RUSC2: variants seen among roughly 807,000 people sequenced by gnomAD.
The protein encoded by RUSC2 is AP-4 complex accessory subunit RUSC2.
In RUSC2, 34 loss-of-function variants were observed where a neutral mutation model predicts 122.2. The ratio of observed to expected loss-of-function variants is 0.28; its 90% CI spans 0.21 to 0.37. The LOEUF is 0.37. Ranked by LOEUF, RUSC2 falls within the 10% of genes least tolerant of loss-of-function variation. The probability of loss-of-function intolerance (pLI) is 1.00; values close to 1 mark genes in which losing one functional copy is unlikely to be tolerated. For synonymous variants in RUSC2, 784 were observed against 790.0 expected, an observed-to-expected ratio of 0.99 and a Z score of 0.13; for missense variants, 1,747 against 1,952.4, an observed-to-expected ratio of 0.89 and a Z score of 1.98.
At position 35,560,380 on chromosome 9, in the gene RUSC2, C is replaced by A. The variant is rs1021819739; in HGVS notation, c.3740C>A (p.Thr1247Lys). 1.2e-6 allele frequency: 2 copies of A among 1,613,802 alleles called. No individual in the cohort carries two copies. The highest frequency in any genetic ancestry group is 1.7e-6 in the Non-Finnish European group (2 of 1,179,870). The change falls in exon 10 of 12, where the codon ACA (threonine) becomes AAA (lysine). Residue 1247 changes from threonine (T) to lysine (K), a missense_variant. Physicochemically the swap from Thr to Lys is moderately conservative, Grantham distance 78. Coordinates refer to ENST00000361226, the MANE Select transcript of RUSC2 (RefSeq NM_014806.5). ...GGEEEEEEEE[T>K]EEVAEAAGGS... ...GAAGAGGAAGAGGAAGAAGAGGAGA[C>A]AGAAGAGGTGGCAGAGGCAGCCGGG...
intron 1 of RUSC2, among the ~76,000 whole-genome samples, chr9:35,495,071 TTA>T (rs1349472501): frequency 5.6e-5 from 2 of 35,746 alleles, no homozygotes; most frequent in Non-Finnish European, 9.2e-5. Context: ...ATAGTATATA[TTA>T]TATATAGTAT....
rs139160591 is a variant in RUSC2, at chr9:35,490,116, ACGC to A, written c.-128_-126del. The A allele has an allele frequency of 4.1e-4, 63 of 154,298 alleles. No homozygotes were observed. Among genetic ancestry groups the A allele is most frequent in the Middle Eastern group, 3.3e-3 (1 of 304 alleles). 9.6% of individuals were successfully genotyped at this position (154,298 alleles called of 1,614,324 possible). A position where few individuals can be genotyped will look rare whatever the true frequency, so the allele number is the denominator to read the frequency against. On this transcript the variant is annotated 5_prime_UTR_variant, in exon 1 of 12. Coordinates refer to ENST00000361226, the MANE Select transcript of RUSC2 (RefSeq NM_014806.5). ...CAACGCGACCCCTGGAGGGCGAGACACGCCGCCGCCGCCGCCGCCGCCGGCGCG... is the reference window on the plus strand; with the variant it reads ...CAACGCGACCCCTGGAGGGCGAGACACGCCGCCGCCGCCGCCGCCGGCGCG...
At chr9:35,528,435 T>G (rs1020898318) in intron 1 of RUSC2, among the ~76,000 whole-genome samples, 1 of 151,882 alleles carries the variant, frequency 6.6e-6, no homozygotes, top group Non-Finnish European at 1.5e-5. Context: ...TTTCATATTT[T>G]GCAGTGAAAG....
chr9:35,546,270 C>T lies in RUSC2; in HGVS notation c.-92-160C>T, dbSNP rs1564262416. Among the ~76,000 whole-genome samples the T allele has an allele frequency of 6.6e-6, 1 of 152,200 alleles. No homozygotes were observed. The highest frequency in any genetic ancestry group is 2.4e-5 in the African/African-American group (1 of 41,450). On this transcript the variant is annotated intron_variant, in intron 1 of 11. Transcript: ENST00000361226. This position sits in a 1 kb window ranked among gnomAD's most constrained non-coding sequence, Gnocchi z 4.3. The stretch of plus-strand genomic sequence containing the variant: ...CTGTGCAATGCAGAAAGCATGGTTA[C>T]GTCCCCACCTGCCTATTGGGCTGTG...
intron 9 of RUSC2, among the ~76,000 whole-genome samples, chr9:35,559,569 T>C (rs1248816136): frequency 6.6e-6 from 1 of 152,140 alleles, no homozygotes; most frequent in Non-Finnish European, 1.5e-5. Flanking sequence ...ACCCCGTCTC[T>C]ACTAAAAATT....
In RUSC2 at chr9:35,546,586, G is replaced by A; in HGVS notation, c.65G>A (p.Cys22Tyr). 6.6e-7 allele frequency: 1 copy of A among 1,515,988 alleles called. No homozygotes were observed. The highest frequency in any genetic ancestry group is 8.8e-7 in the Non-Finnish European group (1 of 1,134,210). 93.9% of individuals were successfully genotyped at this position (1,515,988 alleles called of 1,614,324 possible). The change falls in exon 2 of 12, where the codon TGC becomes TAC. Residue 22 changes from cysteine to tyrosine, a missense_variant. Cys to Tyr is a radical substitution (Grantham distance 194). Transcript: ENST00000361226. The surrounding 1 kb of genome is among the most constrained non-coding windows in gnomAD (Gnocchi z 4.3). ...GTTCATCACATCCCCCTGGTGCACT[G>A]CCAAGTCCCAGACAGGCAGTGCTGT... ...LIVHHIPLVH[C>Y]QVPDRQCCGG...
intron 1 of RUSC2, among the ~76,000 whole-genome samples, chr9:35,528,281 G>A (rs1227035138): frequency 6.6e-6 from 1 of 152,010 alleles, no homozygotes; most frequent in Admixed American, 6.6e-5. Context: ...ACCTACTTGT[G>A]GGGGCTGAGG....
intron 1 of RUSC2, among the ~76,000 whole-genome samples, chr9:35,506,791 A>C (rs1372024578): frequency 2.0e-5 from 3 of 152,190 alleles, no homozygotes; most frequent in Non-Finnish European, 4.4e-5. Flanking sequence ...AAAGCATCTA[A>C]GTAGGAATTT....
At chr9:35,519,498 T>C (rs1425969291) in intron 1 of RUSC2, among the ~76,000 whole-genome samples, 3 of 152,254 alleles carry the variant, frequency 2.0e-5, no homozygotes, top group Non-Finnish European at 2.9e-5. Flanking sequence ...TATCTTTGGT[T>C]TTGGAGAGCC....
intron 1 of RUSC2, among the ~76,000 whole-genome samples, chr9:35,538,142 C>T (rs531729616): frequency 3.9e-5 from 6 of 152,170 alleles, no homozygotes; most frequent in Admixed American, 1.3e-4. Context: ...TTCACACAAA[C>T]CCAGCTGGAC....
Position 35,561,474 on chromosome 9 carries a change from G to GTAGAC in RUSC2, c.*94_*98dup. 2 of 1,100,954 alleles carry GTAGAC rather than the reference G, an allele frequency of 1.8e-6. No homozygotes were observed. Among genetic ancestry groups the GTAGAC allele is most frequent in the East Asian group, 4.8e-5 (2 of 41,852 alleles). The allele number at this position is 1,100,954 out of a possible 1,614,324, so 68.2% of individuals were successfully genotyped here. On this transcript the variant is annotated 3_prime_UTR_variant, in exon 12 of 12. Transcript: ENST00000361226. ...CCCAAGCCATTGGCTTGGCTGCAGA[G>GTAGAC]TAGACTGAGAGCTGGGGCCACGTAT... is the stretch of plus-strand genomic sequence containing the variant.
intron 1 of RUSC2, among the ~76,000 whole-genome samples, chr9:35,533,262 A>T (rs934624561): frequency 1.3e-5 from 2 of 149,176 alleles, no homozygotes; most frequent in Admixed American, 6.7e-5. Flanking sequence ...AAAAAAAAAG[A>T]AGAATTTGGT....
chr9:35,558,068 C>A lies in RUSC2; in HGVS notation c.3060+78C>A. The A allele has an allele frequency of 6.3e-7, 1 of 1,583,440 alleles. No individual in the cohort carries two copies. Among genetic ancestry groups the A allele is most frequent in the South Asian group, 1.1e-5 (1 of 90,360 alleles). ...CCGCGCTACCACCTTCCCTTGCTGTCTTGCATTTAGAGCCCAGGGTTGGGT... is the reference window on the plus strand; with the variant it reads ...CCGCGCTACCACCTTCCCTTGCTGTATTGCATTTAGAGCCCAGGGTTGGGT... On this transcript the variant is annotated intron_variant, in intron 6 of 11. Transcript: ENST00000361226. This position sits in a 1 kb window ranked among gnomAD's most constrained non-coding sequence, Gnocchi z 4.3.
chr9:35,558,184 A>G lies in RUSC2; in HGVS notation c.3061-13A>G, dbSNP rs200878462. On this transcript the variant is annotated splice_polypyrimidine_tract_variant and intron_variant, in intron 6 of 11. Transcript: ENST00000361226. The surrounding 1 kb of genome is among the most constrained non-coding windows in gnomAD (Gnocchi z 4.3). ...CTGAGGGGGTTTCCTGCACTTCCCTACCACACCTACAGGCAAAGCTGGGAA... is the reference window on the plus strand; with the variant it reads ...CTGAGGGGGTTTCCTGCACTTCCCTGCCACACCTACAGGCAAAGCTGGGAA... 9.7e-4 allele frequency: 1,564 copies of G among 1,610,324 alleles called. No individual in the cohort carries two copies. Among genetic ancestry groups the G allele is most frequent in the Non-Finnish European group, 1.3e-3 (1,515 of 1,178,804 alleles).
chr9:35,549,503 T>C (rs1483399894), intron 2 of RUSC2, among the ~76,000 whole-genome samples: 1 of 152,170 alleles, frequency 6.6e-6, no homozygotes, highest in East Asian at 1.9e-4. Flanking sequence ...ACAGAAAACG[T>C]AGTTGATCAT....
At chr9:35,549,322 T>C (rs1821838202) in intron 2 of RUSC2, 1 of 754,798 alleles carries the variant, frequency 1.3e-6, no homozygotes. Flanking sequence ...TGAGACGGAG[T>C]CTTGCTCTTT....
rs1321730382 is a variant in RUSC2, at chr9:35,558,541, C to T, written c.3315C>T (p.Phe1105=). 1 of 1,614,050 alleles carries T rather than the reference C, an allele frequency of 6.2e-7. No individual in the cohort carries two copies. Among genetic ancestry groups the T allele is most frequent in the Non-Finnish European group, 8.5e-7 (1 of 1,180,000 alleles). Residue 1105 remains phenylalanine (F), a synonymous_variant, in exon 8 of 12, where the codon TTC becomes TTT. Transcript: ENST00000361226. The surrounding 1 kb of genome is among the most constrained non-coding windows in gnomAD (Gnocchi z 4.3). ...FPELTSHTMR[F]NAFILGLLNI... is the part of the protein sequence containing the mutation. Reference sequence around the variant, plus strand: ...AGCTCACCAGTCATACCATGCGCTTCAACGCCTTCATCCTCGGCCTGCTCA... The same window carrying T: ...AGCTCACCAGTCATACCATGCGCTTTAACGCCTTCATCCTCGGCCTGCTCA...
chr9:35,529,660 C>G (rs564157339), intron 1 of RUSC2, among the ~76,000 whole-genome samples: 1 of 151,208 alleles, frequency 6.6e-6, no homozygotes, highest in East Asian at 1.9e-4. Flanking sequence ...ACCTTTACAG[C>G]CTTTGCTCCA....
chr9:35,506,595 C>T (rs1301379349), intron 1 of RUSC2, among the ~76,000 whole-genome samples: 1 of 152,184 alleles, frequency 6.6e-6, no homozygotes, highest in Non-Finnish European at 1.5e-5. Flanking sequence ...GGTTGCTTTG[C>T]TTTCACAAAA....
Sources: allele counts gnomAD v4.1 joint callset (sites outside exome capture counted in the v4.1 genomes callset), GRCh38; gene constraint gnomAD v4.1.1; non-coding constraint Gnocchi (gnomAD v3.1); transcripts MANE v1.5; gene names NCBI Gene and HGNC (gene_info 2026-07-23, HGNC 2026-07-21).